Variants in RFFL observed in about 807,000 individuals in gnomAD.
RFFL encodes E3 ubiquitin-protein ligase rififylin.
Under a neutral mutation model 40.4 loss-of-function variants are expected in RFFL, and 16 were observed. The observed-to-expected ratio is 0.40, with a 90% confidence interval of 0.27 to 0.60. The LOEUF (loss-of-function observed/expected upper bound fraction) is 0.60. Ranked by LOEUF, RFFL falls within the 20% of genes least tolerant of loss-of-function variation. The pLI, the probability that RFFL is intolerant of heterozygous loss-of-function variation, is 0.47. For synonymous variants in RFFL, 154 were observed against 167.9 expected (o/e 0.92, Z 0.64); for missense variants, 367 against 451.7 (o/e 0.81, Z 1.70).
intron 1 of RFFL, among the ~76,000 whole-genome samples, chr17:35,027,506 C>T (rs960786902): frequency 1.3e-5 from 2 of 152,078 alleles, no homozygotes; most frequent in Non-Finnish European, 2.9e-5. Context: ...GAGTGGATCA[C>T]CGGAGGTCGG....
At chr17:35,028,171 C>CA (rs1272982380) in intron 1 of RFFL, among the ~76,000 whole-genome samples, 1 of 151,634 alleles carries the variant, frequency 6.6e-6, no homozygotes, top group Non-Finnish European at 1.5e-5. Flanking sequence ...CCCATCTCTA[C>CA]AAAAAAATAC....
chr17:35,063,455 C>CAAAAAAAAA (rs36055947), intron 1 of RFFL, 121 bp downstream of exon 1: 7 of 46,904 alleles, frequency 1.5e-4, no homozygotes, highest in African/African-American at 7.0e-4. Context: ...AACTCCGTCT[C>CAAAAAAAAA]AAAAAAAAAA....
chr17:35,082,368 C>T (rs530573833), intron 1 of RFFL, among the ~76,000 whole-genome samples: 1 of 152,148 alleles, frequency 6.6e-6, no homozygotes, highest in Non-Finnish European at 1.5e-5. Context: ...ATGAGGCCAC[C>T]CTCAAAGGCT....
At position 35,029,348 on chromosome 17, in the gene RFFL, T is replaced by TG. The variant is rs895958318; in HGVS notation, c.-8-2788_-8-2787insC. On this transcript the variant is annotated intron_variant, in intron 1 of 6. Transcript: ENST00000394597. ...CTCTGAAATATTTTGTAGTTTTTTTTTTTTTTTTTTTTGAGACAGGGGTCT... is the reference window on the plus strand; with the variant it reads ...CTCTGAAATATTTTGTAGTTTTTTTTGTTTTTTTTTTTTGAGACAGGGGTCT... Among the ~76,000 whole-genome samples, 32 of 149,988 alleles carry TG rather than the reference T, an allele frequency of 2.1e-4. 1 individual carries two copies. Among genetic ancestry groups the TG allele is most frequent in the African/African-American group, 7.6e-4 (31 of 40,620 alleles).
chr17:35,042,443 T>TACTA (rs1486266192), intron 1 of RFFL: 1 of 152,196 alleles, frequency 6.6e-6, no homozygotes, highest in Non-Finnish European at 1.5e-5. Context: ...GAGTAAACCA[T>TACTA]ACTACTAACT....
chr17:35,012,196 G>A (rs2090945145), intron 6 of RFFL, 47 bp from the exon 7 acceptor site: 2 of 1,567,486 alleles, frequency 1.3e-6, no homozygotes, highest in African/African-American at 1.3e-5. Flanking sequence ...GGAGTGAGGA[G>A]AATGTCTTAA....
At chr17:35,088,003 A>G (rs936571167) in intron 1 of RFFL, among the ~76,000 whole-genome samples, 3 of 152,202 alleles carry the variant, frequency 2.0e-5, no homozygotes, top group Non-Finnish European at 4.4e-5. Flanking sequence ...GAAGAATGGT[A>G]TAATAAACGG....
At chr17:35,084,320 A>G (rs2091418492) in intron 1 of RFFL, among the ~76,000 whole-genome samples, 1 of 151,930 alleles carries the variant, frequency 6.6e-6, no homozygotes, top group Non-Finnish European at 1.5e-5. Context: ...TTCCTGCTGG[A>G]CGCAGTGGCT....
chr17:35,084,139 G>A (rs148753775), intron 1 of RFFL, among the ~76,000 whole-genome samples: 19 of 151,750 alleles, frequency 1.3e-4, no homozygotes, highest in African/African-American at 4.6e-4. Context: ...CTTGGGAGAC[G>A]GAGGCAGGAG....
upstream of RFFL, among the ~76,000 whole-genome samples, chr17:35,066,251 G>A (rs1044735704): frequency 1.6e-4 from 25 of 152,306 alleles, no homozygotes; most frequent in African/African-American, 6.0e-4. Context: ...ATATGTGTAT[G>A]TGCCCATTGT....
chr17:35,028,989 TAGAC>T lies in RFFL; in HGVS notation c.-8-2432_-8-2429del, dbSNP rs537977008. On this transcript the variant is annotated intron_variant, in intron 1 of 6. Coordinates refer to ENST00000394597, the MANE Select transcript of RFFL (RefSeq NM_001017368.2). ...TTGTGATAGTCTAACAGTGCCCAAT[TAGAC>T]AGGTAGCTCAACAAGAACTAGCAAA... Among the ~76,000 whole-genome samples the T allele has an allele frequency of 6.6e-5, 10 of 152,104 alleles. No individual in the cohort carries two copies. In the South Asian group the frequency reaches 2.1e-3, roughly 32 times the overall value.
intron 1 of RFFL, among the ~76,000 whole-genome samples, chr17:35,057,349 C>T (rs1055277656): frequency 6.6e-6 from 1 of 152,016 alleles, no homozygotes; most frequent in African/African-American, 2.4e-5. Flanking sequence ...CTCTGTCCTT[C>T]GGTCACCTTC....
At chr17:35,017,203 T>C (rs2090979428) in intron 4 of RFFL, among the ~76,000 whole-genome samples, 1 of 151,964 alleles carries the variant, frequency 6.6e-6, no homozygotes, top group African/African-American at 2.4e-5. Context: ...TACAGTGTGC[T>C]AGAAGCAAGG....
At chr17:35,058,567 TCAAGACC>T (rs964057270) in intron 1 of RFFL, among the ~76,000 whole-genome samples, 1 of 152,058 alleles carries the variant, frequency 6.6e-6, no homozygotes, top group Non-Finnish European at 1.5e-5. Flanking sequence ...GGTCAGGAGT[TCAAGACC>T]AGCCTGACCA....
At chr17:35,021,890 T>A in intron 2 of RFFL, 109 bp from the exon 3 acceptor site, 1 of 1,078,498 alleles carries the variant, frequency 9.3e-7, no homozygotes, top group Non-Finnish European at 1.4e-6. Flanking sequence ...CTCCAGTCAC[T>A]CTTACTTTTA....
intron 1 of RFFL, among the ~76,000 whole-genome samples, chr17:35,085,222 C>G (rs372847615): frequency 1.3e-5 from 2 of 152,242 alleles, no homozygotes; most frequent in South Asian, 2.1e-4. Flanking sequence ...GCACTGAACC[C>G]AATGTGACCT....
chr17:35,063,311 C>T (rs573413094), intron 1 of RFFL, among the ~76,000 whole-genome samples: 6 of 151,764 alleles, frequency 4.0e-5, no homozygotes, highest in African/African-American at 1.2e-4. Context: ...CAAAATTAGC[C>T]GGGCATGGTG....
intron 1 of RFFL, among the ~76,000 whole-genome samples, chr17:35,076,082 C>T (rs1019968232): frequency 2.0e-5 from 3 of 149,692 alleles, no homozygotes; most frequent in Non-Finnish European, 3.0e-5. Flanking sequence ...CAATCTCCAC[C>T]TCCCATGTTC....
intron 1 of RFFL, 94 bp downstream of exon 1, chr17:35,063,482 A>C (rs917150253): frequency 6.4e-5 from 10 of 155,384 alleles, no homozygotes; most frequent in South Asian, 2.0e-4. Context: ...AAAAAAAAAA[A>C]AAAAACCTGA....
Sources: gnomAD v4.1 joint callset for allele counts (sites outside exome capture counted in the v4.1 genomes callset) on GRCh38, gnomAD v4.1.1 for gene constraint, MANE v1.5 for transcripts, NCBI Gene and HGNC (gene_info 2026-07-23, HGNC 2026-07-21) for gene names.